The following IMPA1 variants were observed in gnomAD, a reference collection of about 807,000 sequenced individuals.
The protein encoded by IMPA1 is inositol monophosphatase 1, also known as D-galactose 1-phosphate phosphatase.
A neutral mutation model predicts 34.9 loss-of-function variants in IMPA1; 21 were observed. The ratio of observed to expected loss-of-function variants is 0.60; its 90% CI spans 0.43 to 0.87. The LOEUF (loss-of-function observed/expected upper bound fraction) is 0.87, where lower values mean the gene tolerates loss of function less well. Among genes scored for constraint, IMPA1 ranks in the 40% least tolerant of loss-of-function variants. IMPA1 has a pLI of 0.00. For missense variants in IMPA1, 299 were observed against 336.4 expected, an observed-to-expected ratio of 0.89 and a Z score of 0.87; for synonymous variants, 95 against 104.4, an observed-to-expected ratio of 0.91 and a Z score of 0.55.
intron 1 of IMPA1, among the ~76,000 whole-genome samples, chr8:81,683,361 T>C (rs547681665): frequency 6.6e-6 from 1 of 152,166 alleles, no homozygotes; most frequent in African/African-American, 2.4e-5. Flanking sequence ...CAGGATGCAG[T>C]AGTGGGAGGA....
At chr8:81,679,700 G>A (rs1294420719) in intron 3 of IMPA1, among the ~76,000 whole-genome samples, 2 of 151,780 alleles carry the variant, frequency 1.3e-5, no homozygotes, top group South Asian at 2.1e-4. Context: ...ACTGATAAAT[G>A]TAAGGAAGCT....
At chr8:81,668,783 G>T (rs947425629) in intron 7 of IMPA1, among the ~76,000 whole-genome samples, 4 of 152,040 alleles carry the variant, frequency 2.6e-5, no homozygotes, top group African/African-American at 9.7e-5. Flanking sequence ...GACAATGAAA[G>T]AAAGAACCCG....
intron 3 of IMPA1, among the ~76,000 whole-genome samples, chr8:81,679,567 C>T (rs204776): frequency 6.7e-6 from 1 of 149,276 alleles, no homozygotes; most frequent in Non-Finnish European, 1.5e-5. Flanking sequence ...GAGCCGAGAT[C>T]GTGCCACTGC....
intron 7 of IMPA1, among the ~76,000 whole-genome samples, chr8:81,665,459 G>T (rs1049610432): frequency 2.6e-5 from 4 of 151,990 alleles, no homozygotes; most frequent in Admixed American, 2.6e-4. Context: ...AGCAATAAAA[G>T]AAAGAAGTAA....
At position 81,657,925 on chromosome 8, in the gene IMPA1, A is replaced by G. The variant is rs964250923; in HGVS notation, c.*1426T>C. 2.0e-5 allele frequency: 3 copies of G among 152,086 alleles called. No individual in the cohort carries two copies. Among genetic ancestry groups the G allele is most frequent in the African/African-American group, 7.2e-5 (3 of 41,422 alleles). The allele number at this position is 152,086 out of a possible 1,614,324, so 9.4% of individuals were successfully genotyped here. On this transcript the variant is annotated 3_prime_UTR_variant, in exon 9 of 9. Coordinates refer to ENST00000256108, the MANE Select transcript of IMPA1 (RefSeq NM_005536.4). ...AGACCCTGAATCTAAAAATAATAATAATGATAATGGTAATAATAATAAAAA... is the reference window on the plus strand; with the variant it reads ...AGACCCTGAATCTAAAAATAATAATGATGATAATGGTAATAATAATAAAAA...
intron 6 of IMPA1, among the ~76,000 whole-genome samples, chr8:81,671,335 G>T (rs1309882359): frequency 6.6e-6 from 1 of 152,042 alleles, no homozygotes; most frequent in African/African-American, 2.4e-5. Context: ...AAAAAGGAGA[G>T]ACTAAATTCA....
chr8:81,671,665 A>C (rs982860273), intron 6 of IMPA1, among the ~76,000 whole-genome samples: 1 of 152,152 alleles, frequency 6.6e-6, no homozygotes, highest in Non-Finnish European at 1.5e-5. Flanking sequence ...TGGGAGGCGG[A>C]GGCAGGCAGA....
intron 7 of IMPA1, among the ~76,000 whole-genome samples, chr8:81,667,719 G>T (rs562983226): frequency 6.7e-6 from 1 of 148,966 alleles, no homozygotes; most frequent in Non-Finnish European, 1.5e-5. Flanking sequence ...ATTCTGATGT[G>T]GTCTCAGATA....
chr8:81,674,211 C>A (rs1807068830), intron 5 of IMPA1: 1 of 344,102 alleles, frequency 2.9e-6, no homozygotes, highest in South Asian at 6.2e-5. Flanking sequence ...GAAGACAGGG[C>A]TTTCCTATTT....
chr8:81,684,524 TAGTATATATA>T (rs1807418582), intron 1 of IMPA1, among the ~76,000 whole-genome samples: 1 of 129,288 alleles, frequency 7.7e-6, no homozygotes, highest in Admixed American at 7.6e-5. Context: ...ATACTATGTG[TAGTATATATA>T]CTACACATAA....
At chr8:81,685,703 AGT>A in intron 1 of IMPA1, 1 of 764,304 alleles carries the variant, frequency 1.3e-6, no homozygotes, top group Non-Finnish European at 1.8e-6. Context: ...ATATATGAAT[AGT>A]TATATATATA....
At chr8:81,678,315 G>A (rs1342208199) in intron 4 of IMPA1, among the ~76,000 whole-genome samples, 1 of 152,036 alleles carries the variant, frequency 6.6e-6, no homozygotes, top group Non-Finnish European at 1.5e-5. Context: ...CACTCCCCAA[G>A]AGTGACTTCA....
At chr8:81,686,144 G>C in intron 1 of IMPA1, 108 bp downstream of exon 1, 3 of 857,976 alleles carry the variant, frequency 3.5e-6, no homozygotes, top group South Asian at 7.7e-5. Context: ...CCTAGGCGCC[G>C]ACCGCGCACG....
rs1170049695 is a variant in IMPA1 at position 81,659,100 on chromosome 8, T to G, written c.*251A>C. On this transcript the variant is annotated 3_prime_UTR_variant, in exon 9 of 9. Coordinates refer to ENST00000256108, the MANE Select transcript of IMPA1 (RefSeq NM_005536.4). ...ATTGACTATTTCAGTTGATGTTATA[T>G]TTATCAACTGTACTTCCTGGGTATG... 2 of 467,734 alleles carry G rather than the reference T, an allele frequency of 4.3e-6. No individual in the cohort carries two copies. Among genetic ancestry groups the G allele is most frequent in the South Asian group, 2.6e-5 (1 of 38,834 alleles). The allele number at this position is 467,734 out of a possible 1,614,324, so 29.0% of individuals were successfully genotyped here. A position where few individuals can be genotyped will look rare whatever the true frequency, so the allele number is the denominator to read the frequency against.
In IMPA1 at chr8:81,679,237, G is replaced by T; in HGVS notation, c.198-7C>A. The stretch of plus-strand genomic sequence containing the variant: ...AGATTCTTCACCAATGAAACTAAAA[G>T]CCAAGTAGGACAAACTCTTAATCTT... On this transcript the variant is annotated splice_region_variant and splice_polypyrimidine_tract_variant and intron_variant, in intron 3 of 8. Transcript: ENST00000256108. The T allele has an allele frequency of 1.3e-6, 2 of 1,573,754 alleles. No individual in the cohort carries two copies. The highest frequency in any genetic ancestry group is 1.7e-6 in the Non-Finnish European group (2 of 1,143,328).
Position 81,659,312 on chromosome 8 carries a change from G to C in IMPA1, c.*39C>G. 1 of 1,119,906 alleles carries C rather than the reference G, an allele frequency of 8.9e-7. No homozygotes were observed. Among genetic ancestry groups the C allele is most frequent in the East Asian group, 2.3e-5 (1 of 42,614 alleles). The allele number at this position is 1,119,906 out of a possible 1,614,324, so 69.4% of individuals were successfully genotyped here. The stretch of plus-strand genomic sequence containing the variant: ...TATCCATTGATGAGTCACCAAATCT[G>C]GGGAAAAGCAACTGGGATTGACTAT... On this transcript the variant is annotated 3_prime_UTR_variant, in exon 9 of 9. Coordinates refer to ENST00000256108, the MANE Select transcript of IMPA1 (RefSeq NM_005536.4).
At chr8:81,678,528 C>G (rs528475314) in intron 4 of IMPA1, 1 of 160,416 alleles carries the variant, frequency 6.2e-6, no homozygotes, top group African/African-American at 2.4e-5. Context: ...CCCGCCTCTA[C>G]TAAAAATACA....
chr8:81,676,221 T>TA lies in IMPA1; in HGVS notation c.348+12dup, dbSNP rs769848127. Reference sequence around the variant, plus strand: ...CAAGGCATATAATCAACTATACGTTTAAAAAATCATACCTTTTTATTTACA... The same window carrying TA: ...CAAGGCATATAATCAACTATACGTTTAAAAAAATCATACCTTTTTATTTACA... On this transcript the variant is annotated intron_variant, in intron 5 of 8. Coordinates refer to ENST00000256108, the MANE Select transcript of IMPA1 (RefSeq NM_005536.4). 46 of 1,264,438 alleles carry TA rather than the reference T, an allele frequency of 3.6e-5. No individual in the cohort carries two copies. In the African/African-American group the frequency reaches 5.8e-4, roughly 16 times the overall value. 78.3% of individuals were successfully genotyped at this position (1,264,438 alleles called of 1,614,324 possible).
In IMPA1 at chr8:81,657,380, G is replaced by A. The variant is rs138420964; in HGVS notation, c.*1971C>T. Among the ~76,000 whole-genome samples, 1 of 151,476 alleles carries A rather than the reference G, an allele frequency of 6.6e-6. No homozygotes were observed. The highest frequency in any genetic ancestry group is 1.5e-5 in the Non-Finnish European group (1 of 67,802). Reference sequence around the variant, plus strand: ...GGCAGGAGGATCACTTGAGCCCAATGAGACCAGCCTAAGCAACATAGGAAG... The same window carrying A: ...GGCAGGAGGATCACTTGAGCCCAATAAGACCAGCCTAAGCAACATAGGAAG... On this transcript the variant is annotated 3_prime_UTR_variant, in exon 9 of 9. Coordinates refer to ENST00000256108, the MANE Select transcript of IMPA1 (RefSeq NM_005536.4).
Sources: allele counts gnomAD v4.1 joint callset (sites outside exome capture counted in the v4.1 genomes callset), GRCh38; gene constraint gnomAD v4.1.1; transcripts MANE v1.5; gene names NCBI Gene and HGNC (gene_info 2026-07-23, HGNC 2026-07-21).